PPP1R16B: variants seen among roughly 807,000 people sequenced by gnomAD.
The protein encoded by PPP1R16B is protein phosphatase 1 regulatory inhibitor subunit 16B.
A neutral mutation model predicts 61.7 loss-of-function variants in PPP1R16B; 14 were observed. The observed-to-expected ratio is 0.23, with a 90% CI of 0.15 to 0.35. The LOEUF (loss-of-function observed/expected upper bound fraction) is 0.35, where lower values mean the gene tolerates loss of function less well. Ranked by LOEUF, PPP1R16B falls within the 10% of genes least tolerant of loss-of-function variation. The probability of loss-of-function intolerance (pLI) is 1.00; values close to 1 mark genes in which losing one functional copy is unlikely to be tolerated. For missense variants in PPP1R16B, 547 were observed against 752.5 expected (o/e 0.73, Z 3.19); for synonymous variants, 266 against 305.3 (o/e 0.87, Z 1.34).
chr20:38,845,564 C>A (rs2084931417), intron 2 of PPP1R16B, among the ~76,000 whole-genome samples: 1 of 152,150 alleles, frequency 6.6e-6, no homozygotes. Flanking sequence ...TCAGGGAGAG[C>A]CTGTCTGAGG....
chr20:38,911,011 A>T (rs899492645), intron 10 of PPP1R16B, among the ~76,000 whole-genome samples: 16 of 151,804 alleles, frequency 1.1e-4, no homozygotes, highest in Non-Finnish European at 1.9e-4. Context: ...AACAAAACAA[A>T]ACAAAACAAA....
chr20:38,883,550 G>A (rs986669726), intron 2 of PPP1R16B, among the ~76,000 whole-genome samples: 4 of 152,248 alleles, frequency 2.6e-5, no homozygotes, highest in African/African-American at 9.6e-5. Context: ...CGTGAGTGAG[G>A]AGGGCGGGAG....
chr20:38,906,131 A>G, intron 7 of PPP1R16B, 37 bp downstream of exon 7: 1 of 1,600,046 alleles, frequency 6.2e-7, no homozygotes, highest in Non-Finnish European at 8.5e-7. Context: ...GGAGGCCGGC[A>G]CAGGGCTAAC....
intron 2 of PPP1R16B, among the ~76,000 whole-genome samples, chr20:38,839,572 A>T (rs919905549): frequency 3.3e-5 from 5 of 151,062 alleles, no homozygotes; most frequent in Non-Finnish European, 5.9e-5. Context: ...TTTTCCAGGT[A>T]TTTTTTTCAT....
chr20:38,865,451 G>A (rs1397060202), intron 2 of PPP1R16B, among the ~76,000 whole-genome samples: 2 of 152,024 alleles, frequency 1.3e-5, no homozygotes, highest in African/African-American at 2.4e-5. Context: ...CACCACGGCC[G>A]GCTAATTTTT....
chr20:38,910,678 C>T (rs1466080628), intron 10 of PPP1R16B, among the ~76,000 whole-genome samples: 1 of 150,918 alleles, frequency 6.6e-6, no homozygotes, highest in Admixed American at 6.6e-5. Flanking sequence ...GGACTATAGG[C>T]ATGCACCACC....
At chr20:38,844,607 G>GT (rs2084926370) in intron 2 of PPP1R16B, among the ~76,000 whole-genome samples, 1 of 152,120 alleles carries the variant, frequency 6.6e-6, no homozygotes, top group Admixed American at 6.5e-5. Context: ...AAGGATTAAG[G>GT]TTTCATAAAA....
intron 2 of PPP1R16B, among the ~76,000 whole-genome samples, chr20:38,850,214 G>A (rs983575099): frequency 6.6e-6 from 1 of 152,144 alleles, no homozygotes. Context: ...CTATGAGGTC[G>A]ATTCCTGAGT....
rs186174442 is a variant in PPP1R16B at position 38,912,590 on chromosome 20, G to A, written c.1194+4397G>A. Among the ~76,000 whole-genome samples the A allele has an allele frequency of 8.6e-5, 13 of 151,428 alleles. No homozygotes were observed. The East Asian group carries it at 2.5e-3, about 29-fold the overall frequency. ...CTTGTGAGGCTGAGGCAGGAGGATT[G>A]CTTGAGTCGAGGAATTCAATGCTGC... On this transcript the variant is annotated intron_variant, in intron 10 of 10. Coordinates refer to ENST00000299824, the MANE Select transcript of PPP1R16B (RefSeq NM_015568.4).
Position 38,910,325 on chromosome 20 carries a change from T to G in PPP1R16B, c.1194+2132T>G, listed in dbSNP as rs78451027. On this transcript the variant is annotated intron_variant, in intron 10 of 10. Coordinates refer to ENST00000299824, the MANE Select transcript of PPP1R16B (RefSeq NM_015568.4). ...GAGATTTTCAACAACCTTTTACAAA[T>G]GTACACACTCAGATGAATTCATAGA... Among the ~76,000 whole-genome samples, 1,233 of 152,192 alleles carry G rather than the reference T, an allele frequency of 8.1e-3. 13 individuals carry two copies. Among genetic ancestry groups the G allele is most frequent in the African/African-American group, 0.028 (1,177 of 41,522 alleles).
intron 2 of PPP1R16B, among the ~76,000 whole-genome samples, chr20:38,870,192 C>T (rs986947713): frequency 2.6e-5 from 4 of 152,242 alleles, no homozygotes; most frequent in Admixed American, 2.6e-4. Context: ...CCCGCCTTGG[C>T]CTCCCAAAGT....
chr20:38,876,179 G>A (rs2085164927), intron 2 of PPP1R16B, among the ~76,000 whole-genome samples: 1 of 151,910 alleles, frequency 6.6e-6, no homozygotes, highest in Admixed American at 6.6e-5. Context: ...CACCATGTTG[G>A]CCAGGCTGGT....
chr20:38,915,012 A>G (rs2145786659), intron 10 of PPP1R16B, among the ~76,000 whole-genome samples: 1 of 151,918 alleles, frequency 6.6e-6, no homozygotes, highest in African/African-American at 2.4e-5. Flanking sequence ...TTTTCCGAGC[A>G]GTTTTAGAAC....
At chr20:38,831,231 C>T (rs1303927872) in intron 1 of PPP1R16B, among the ~76,000 whole-genome samples, 1 of 152,170 alleles carries the variant, frequency 6.6e-6, no homozygotes, top group East Asian at 1.9e-4. Context: ...TTGGGGGTCC[C>T]CTTTAAGGGT....
At chr20:38,860,966 C>G (rs1288065865) in intron 2 of PPP1R16B, among the ~76,000 whole-genome samples, 4 of 152,204 alleles carry the variant, frequency 2.6e-5, no homozygotes, top group African/African-American at 9.7e-5. Context: ...GCTCTTCCTC[C>G]CACTGGGAGT....
At chr20:38,897,814 C>G (rs894317856) in intron 4 of PPP1R16B, among the ~76,000 whole-genome samples, 1 of 152,184 alleles carries the variant, frequency 6.6e-6, no homozygotes, top group African/African-American at 2.4e-5. Flanking sequence ...GAGGTGGTCT[C>G]TCACTGTGGT....
rs756339973 is a variant in PPP1R16B, at chr20:38,918,429, A to T, written c.1467A>T (p.Ala489=). Reference sequence around the variant, plus strand: ...TGGAGCTGAAGCGGCAGCGGGCTGCAGCCAAGCTGCTCAGCCACCCCTTCC... The same window carrying T: ...TGGAGCTGAAGCGGCAGCGGGCTGCTGCCAAGCTGCTCAGCCACCCCTTCC... ...TLLELKRQRA[A]AKLLSHPFLS... Residue 489 remains alanine, a synonymous_variant, in exon 11 of 11, where the codon GCA becomes GCT. Transcript: ENST00000299824. The surrounding 1 kb of genome is among the most constrained non-coding windows in gnomAD (Gnocchi z 5.3). The T allele has an allele frequency of 6.2e-7, 1 of 1,614,144 alleles. No individual in the cohort carries two copies. The highest frequency in any genetic ancestry group is 8.5e-7 in the Non-Finnish European group (1 of 1,180,040).
chr20:38,828,036 C>T (rs1402237809), intron 1 of PPP1R16B, among the ~76,000 whole-genome samples: 1 of 152,192 alleles, frequency 6.6e-6, no homozygotes, highest in Non-Finnish European at 1.5e-5. Context: ...AACATGAAAA[C>T]AAATCTTCAC....
chr20:38,837,211 C>G (rs535903632), intron 2 of PPP1R16B, among the ~76,000 whole-genome samples: 16 of 152,330 alleles, frequency 1.1e-4, no homozygotes, highest in Admixed American at 1.0e-3. Flanking sequence ...GTAGACAAGT[C>G]TCTTCCACTC....
Sources: gnomAD v4.1 joint callset for allele counts (sites outside exome capture counted in the v4.1 genomes callset) on GRCh38, gnomAD v4.1.1 for gene constraint, Gnocchi (gnomAD v3.1) non-coding constraint, MANE v1.5 for transcripts, NCBI Gene and HGNC (gene_info 2026-07-23, HGNC 2026-07-21) for gene names.